Variants in STK4 observed in about 807,000 individuals in gnomAD.
The protein encoded by STK4 is serine/threonine kinase 4, also known as serine/threonine-protein kinase 4.
Under a neutral mutation model 64.9 loss-of-function variants are expected in STK4, and 30 were observed. The observed-to-expected ratio is 0.46, with a 90% CI of 0.35 to 0.63. The LOEUF (loss-of-function observed/expected upper bound fraction) is 0.63. Ranked by LOEUF, STK4 falls within the 20% of genes least tolerant of loss-of-function variation. STK4 has a pLI of 0.01. For missense variants in STK4, 466 were observed against 598.5 expected (o/e 0.78, Z 2.31); for synonymous variants, 177 against 199.0 (o/e 0.89, Z 0.93).
intron 10 of STK4, among the ~76,000 whole-genome samples, chr20:45,064,446 TG>T (rs1294985428): frequency 6.6e-6 from 1 of 152,112 alleles, no homozygotes; most frequent in Non-Finnish European, 1.5e-5. Context: ...ATTTTTAAAC[TG>T]TTTTTTTCTA....
intron 10 of STK4, among the ~76,000 whole-genome samples, chr20:45,074,790 TA>T (rs1321192628): frequency 6.6e-6 from 1 of 152,170 alleles, no homozygotes; most frequent in Non-Finnish European, 1.5e-5. Flanking sequence ...TCAAAGCGGT[TA>T]GCACTTAGAT....
intron 10 of STK4, among the ~76,000 whole-genome samples, chr20:45,049,812 A>G (rs545540044): frequency 1.3e-4 from 20 of 152,108 alleles, no homozygotes; most frequent in African/African-American, 4.6e-4. Flanking sequence ...CTCCCATCTC[A>G]ATTTTGTTGT....
intron 7 of STK4, among the ~76,000 whole-genome samples, 186 bp downstream of exon 7, chr20:44,997,492 G>C (rs916973406): frequency 6.6e-6 from 1 of 152,216 alleles, no homozygotes; most frequent in Non-Finnish European, 1.5e-5. Context: ...AGGAGTTTGA[G>C]GCCAGCCAGC....
chr20:44,988,152 T>C (rs116087501), intron 5 of STK4, among the ~76,000 whole-genome samples: 3,811 of 152,052 alleles, frequency 0.025, 141 homozygotes, highest in African/African-American at 0.082. Context: ...TACCAGACAA[T>C]ATTACCTAAA....
intron 6 of STK4, 57 bp downstream of exon 6, chr20:44,995,314 G>A (rs2067708520): frequency 4.5e-6 from 7 of 1,548,238 alleles, no homozygotes; most frequent in African/African-American, 1.4e-5. Context: ...TCATTAAAAA[G>A]TGAAGTTCAA....
intron 7 of STK4, among the ~76,000 whole-genome samples, chr20:44,998,728 A>G (rs2067780461): frequency 6.6e-6 from 1 of 152,346 alleles, no homozygotes; most frequent in South Asian, 2.1e-4. Context: ...AATGAAATAG[A>G]TACCTGTGCC....
intron 10 of STK4, among the ~76,000 whole-genome samples, chr20:45,026,318 A>AGTGTGT (rs113148879): frequency 0.084 from 12,266 of 145,708 alleles, 1,243 homozygotes; most frequent in African/African-American, 0.25. Flanking sequence ...AGACAGAAAG[A>AGTGTGT]GTGTGTGTGT....
In STK4 at chr20:45,019,434, G is replaced by C. The variant is rs985104697; in HGVS notation, c.1148-5539G>C. On this transcript the variant is annotated intron_variant, in intron 9 of 10. Transcript: ENST00000372806. The stretch of plus-strand genomic sequence containing the variant: ...TGGATACACTGCATTTTGTTTATCT[G>C]TTCATCAGCTGATAGACATTTGGGT... 3.3e-5 allele frequency among the ~76,000 whole-genome samples: 5 copies of C among 152,256 alleles called. No individual in the cohort carries two copies. The South Asian group carries it at 1.0e-3, about 32-fold the overall frequency.
chr20:44,997,480 C>T (rs2067756193), intron 7 of STK4, among the ~76,000 whole-genome samples, 174 bp downstream of exon 7: 1 of 152,250 alleles, frequency 6.6e-6, no homozygotes, highest in Non-Finnish European at 1.5e-5. Flanking sequence ...TTGCTTGAGC[C>T]CAGGAGTTTG....
chr20:45,048,352 T>C (rs887308656), intron 10 of STK4, among the ~76,000 whole-genome samples: 1 of 152,202 alleles, frequency 6.6e-6, no homozygotes, highest in Non-Finnish European at 1.5e-5. Flanking sequence ...AAATTTTATT[T>C]ACATGTGTAA....
At chr20:45,071,932 AT>A (rs1202994887) in intron 10 of STK4, among the ~76,000 whole-genome samples, 4 of 151,384 alleles carry the variant, frequency 2.6e-5, no homozygotes, top group Non-Finnish European at 4.4e-5. Flanking sequence ...CACCTGGCTA[AT>A]TTTTTTTCCC....
chr20:45,041,584 A>G (rs1020969807), intron 10 of STK4, among the ~76,000 whole-genome samples: 2 of 152,124 alleles, frequency 1.3e-5, no homozygotes, highest in South Asian at 2.1e-4. Context: ...TCATAAACCT[A>G]TTCATAAATA....
chr20:45,075,721 C>G lies in STK4; in HGVS notation c.*545C>G, dbSNP rs572845791. 2.2e-4 allele frequency: 34 copies of G among 152,898 alleles called. No individual in the cohort carries two copies. The highest frequency in any genetic ancestry group is 8.2e-4 in the African/African-American group (34 of 41,548). 9.5% of individuals were successfully genotyped at this position (152,898 alleles called of 1,614,324 possible). On this transcript the variant is annotated 3_prime_UTR_variant, in exon 11 of 11. Transcript: ENST00000372806. ...ACTGAATCCCAGGAGCCAACCTCCC[C>G]CTTTGCAGGGCTGCATTTAAAAATT... is the stretch of plus-strand genomic sequence containing the variant.
At chr20:44,967,324 G>T in intron 1 of STK4, 1 of 778,858 alleles carries the variant, frequency 1.3e-6, no homozygotes, top group Non-Finnish European at 1.6e-6. Context: ...GAGGTCCAGA[G>T]TAGTTGGGAA....
rs181654174 is a variant in STK4 at position 44,987,975 on chromosome 20, T to A, written c.525+679T>A. On this transcript the variant is annotated intron_variant, in intron 5 of 10. Coordinates refer to ENST00000372806, the MANE Select transcript of STK4 (RefSeq NM_006282.5). ...AACTGGTGTTATGTACGGTTTTTTT[T>A]TTATTATTTTTTTTTTATTATAAGT... is the stretch of plus-strand genomic sequence containing the variant. Among the ~76,000 whole-genome samples the A allele has an allele frequency of 2.2e-3, 339 of 151,962 alleles. 1 individual carries two copies. Among genetic ancestry groups the A allele is most frequent in the Non-Finnish European group, 3.2e-3 (217 of 67,984 alleles).
At chr20:45,047,479 G>T (rs2068714826) in intron 10 of STK4, among the ~76,000 whole-genome samples, 1 of 152,178 alleles carries the variant, frequency 6.6e-6, no homozygotes, top group Non-Finnish European at 1.5e-5. Context: ...GCATGCAGGT[G>T]CTCAGAATGT....
At chr20:45,047,580 C>G (rs552723756) in intron 10 of STK4, among the ~76,000 whole-genome samples, 48 of 152,100 alleles carry the variant, frequency 3.2e-4, no homozygotes, top group Non-Finnish European at 6.3e-4. Context: ...ATCCATTCAT[C>G]TATGTGTATA....
chr20:45,020,283 G>C (rs1250713669), intron 9 of STK4, among the ~76,000 whole-genome samples: 10 of 149,840 alleles, frequency 6.7e-5, no homozygotes, highest in Non-Finnish European at 1.5e-5. Flanking sequence ...TGGTGGTCAT[G>C]CAGTTTGGAT....
Position 44,981,883 on chromosome 20 carries a change from C to A in STK4, c.300C>A (p.Ile100=). 6.2e-7 allele frequency: 1 copy of A among 1,613,956 alleles called. No individual in the cohort carries two copies. The highest frequency in any genetic ancestry group is 8.5e-7 in the Non-Finnish European group (1 of 1,179,922). Residue 100 remains isoleucine, a synonymous_variant, in exon 4 of 11, where the codon ATC becomes ATA. Coordinates refer to ENST00000372806, the MANE Select transcript of STK4 (RefSeq NM_006282.5). ...ATTTTAAGAACACAGACTTATGGAT[C>A]GTTATGGAGTACTGTGGGGCTGGTT... The part of the protein sequence containing the change: ...GSYFKNTDLW[I]VMEYCGAGSV...
Sources: gnomAD v4.1 joint callset for allele counts (sites outside exome capture counted in the v4.1 genomes callset) on GRCh38, gnomAD v4.1.1 for gene constraint, MANE v1.5 for transcripts, NCBI Gene and HGNC (gene_info 2026-07-23, HGNC 2026-07-21) for gene names.